AXDND1: variants seen among roughly 807,000 people sequenced by gnomAD.
AXDND1 encodes axonemal dynein light chain domain-containing protein 1.
A neutral mutation model predicts 137.5 loss-of-function variants in AXDND1; 110 were observed. The observed-to-expected ratio is 0.80, with a 90% CI of 0.69 to 0.94. The LOEUF is 0.94. Among genes scored for constraint, AXDND1 ranks in the 40% least tolerant of loss-of-function variants. The probability of loss-of-function intolerance (pLI) is 0.00; values close to 1 mark genes in which losing one functional copy is unlikely to be tolerated. For missense variants in AXDND1, 1,191 were observed against 1,169.8 expected (o/e 1.02, Z -0.26); for synonymous variants, 414 against 399.7 (o/e 1.04, Z -0.43).
chr1:179,384,345 A>AT (rs1244478386), intron 8 of AXDND1, among the ~76,000 whole-genome samples: 1 of 152,184 alleles, frequency 6.6e-6, no homozygotes. Flanking sequence ...TTCAGGATAT[A>AT]TTTCCTACAA....
chr1:179,440,442 T>C (rs1483941609), intron 15 of AXDND1, among the ~76,000 whole-genome samples: 6 of 152,248 alleles, frequency 3.9e-5, no homozygotes, highest in African/African-American at 1.4e-4. Context: ...GCTATGTGTG[T>C]AACATCCATT....
Position 179,446,787 on chromosome 1 carries a change from T to C in AXDND1, c.1798+1583T>C, listed in dbSNP as rs114045119. Among the ~76,000 whole-genome samples the C allele has an allele frequency of 2.7e-3, 407 of 152,148 alleles. 4 individuals are homozygous for C. Among genetic ancestry groups the C allele is most frequent in the African/African-American group, 9.1e-3 (379 of 41,516 alleles). On this transcript the variant is annotated intron_variant, in intron 16 of 25. Coordinates refer to ENST00000367618, the MANE Select transcript of AXDND1 (RefSeq NM_144696.6). ...ATGTGAATTCTAAACACTTTATCTTTTTCTGTGGGTGGCTTTTCCATTTTC... is the reference window on the plus strand; with the variant it reads ...ATGTGAATTCTAAACACTTTATCTTCTTCTGTGGGTGGCTTTTCCATTTTC...
intron 19 of AXDND1, among the ~76,000 whole-genome samples, 195 bp from the exon 20 acceptor site, chr1:179,492,659 GA>G (rs1463057350): frequency 6.6e-6 from 1 of 152,196 alleles, no homozygotes; most frequent in Non-Finnish European, 1.5e-5. Context: ...ATGGAAGGGA[GA>G]AGGAGGACAA....
chr1:179,423,198 C>T (rs1240594541), intron 12 of AXDND1, among the ~76,000 whole-genome samples: 9 of 149,392 alleles, frequency 6.0e-5, no homozygotes, highest in Admixed American at 1.3e-4. Context: ...ATATAGTAAC[C>T]TTTTTTTTTT....
intron 11 of AXDND1, among the ~76,000 whole-genome samples, chr1:179,410,507 C>A (rs966110457): frequency 6.6e-6 from 1 of 152,126 alleles, no homozygotes; most frequent in Non-Finnish European, 1.5e-5. Context: ...GGATTACTGG[C>A]GTGAGCCACT....
intron 11 of AXDND1, among the ~76,000 whole-genome samples, chr1:179,410,161 T>C (rs1014001081): frequency 4.6e-5 from 7 of 152,230 alleles, no homozygotes; most frequent in Non-Finnish European, 1.0e-4. Flanking sequence ...CTAATTCTTA[T>C]TGCAAAGTCC....
At chr1:179,500,126 A>G (rs1311219104) in intron 20 of AXDND1, among the ~76,000 whole-genome samples, 2 of 152,152 alleles carry the variant, frequency 1.3e-5, no homozygotes, top group Non-Finnish European at 1.5e-5. Context: ...ATGGAATACA[A>G]AAGTCCTGAA....
chr1:179,378,474 T>C (rs1036699571), intron 4 of AXDND1, among the ~76,000 whole-genome samples, 163 bp from the exon 5 acceptor site: 2 of 152,200 alleles, frequency 1.3e-5, no homozygotes, highest in Non-Finnish European at 2.9e-5. Flanking sequence ...GGGGAACTCA[T>C]GTTTAATGCC....
chr1:179,377,772 A>G (rs976613104), intron 4 of AXDND1, among the ~76,000 whole-genome samples: 1 of 152,218 alleles, frequency 6.6e-6, no homozygotes, highest in Admixed American at 6.5e-5. Context: ...TAGTTTCAGA[A>G]GAGAGGTATG....
At chr1:179,374,202 C>A (rs990257028) in intron 4 of AXDND1, among the ~76,000 whole-genome samples, 10 of 152,224 alleles carry the variant, frequency 6.6e-5, no homozygotes, top group African/African-American at 2.2e-4. Flanking sequence ...GATATTCATG[C>A]AGCCAACAGA....
intron 6 of AXDND1, among the ~76,000 whole-genome samples, chr1:179,380,405 GTGTGAC>G (rs1195466088): frequency 6.6e-6 from 1 of 152,092 alleles, no homozygotes; most frequent in East Asian, 1.9e-4. Flanking sequence ...TTGTTTGAAT[GTGTGAC>G]TATGCCCTTT....
At chr1:179,456,308 TCCA>T in intron 16 of AXDND1, 1 of 748,408 alleles carries the variant, frequency 1.3e-6, no homozygotes, top group Non-Finnish European at 2.4e-6. Context: ...AGTATTGGCC[TCCA>T]CCACCACAGG....
At position 179,386,064 on chromosome 1, in the gene AXDND1, T is replaced by C. The variant is rs1192075648; in HGVS notation, c.863+705T>C. On this transcript the variant is annotated intron_variant, in intron 9 of 25. Coordinates refer to ENST00000367618, the MANE Select transcript of AXDND1 (RefSeq NM_144696.6). Reference sequence around the variant, plus strand: ...AGGATTTTTTCCTTTTTTTTTTTTTTTTTTTTTGAGACAGTCTCGCTCTGT... The same window carrying C: ...AGGATTTTTTCCTTTTTTTTTTTTTCTTTTTTTGAGACAGTCTCGCTCTGT... Among the ~76,000 whole-genome samples, 3 of 146,846 alleles carry C rather than the reference T, an allele frequency of 2.0e-5. No individual in the cohort carries two copies. The East Asian group carries it at 5.9e-4, about 29-fold the overall frequency.
chr1:179,382,980 A>T (rs188101183), intron 7 of AXDND1, among the ~76,000 whole-genome samples: 2 of 152,222 alleles, frequency 1.3e-5, no homozygotes, highest in East Asian at 3.9e-4. Context: ...ACATATTTAC[A>T]TATATAGCAT....
At chr1:179,539,135 C>G (rs141325820) in intron 25 of AXDND1, among the ~76,000 whole-genome samples, 3,710 of 152,220 alleles carry the variant, frequency 0.024, 161 homozygotes, top group African/African-American at 0.084. Context: ...GGTCTTGACT[C>G]TTTATCCAAT....
intron 13 of AXDND1, among the ~76,000 whole-genome samples, chr1:179,430,117 C>T (rs576502388): frequency 6.6e-6 from 1 of 151,816 alleles, no homozygotes; most frequent in Admixed American, 6.6e-5. Context: ...CCCAAGGTTA[C>T]ACAGCCAGTA....
intron 12 of AXDND1, among the ~76,000 whole-genome samples, chr1:179,416,914 C>T (rs2125245202): frequency 6.6e-6 from 1 of 152,314 alleles, no homozygotes; most frequent in Non-Finnish European, 1.5e-5. Context: ...TTTGGTTTCT[C>T]AGCTCCTTCG....
chr1:179,489,986 C>T (rs544815852), intron 18 of AXDND1, among the ~76,000 whole-genome samples: 3 of 152,162 alleles, frequency 2.0e-5, no homozygotes, highest in African/African-American at 7.2e-5. Context: ...CCTCGTGATC[C>T]ACCTGCCTCG....
At chr1:179,456,494 A>G (rs1661425824) in intron 16 of AXDND1, 2 of 770,120 alleles carry the variant, frequency 2.6e-6, no homozygotes, top group East Asian at 2.4e-5. Flanking sequence ...TGCCACTCCC[A>G]CCATAGCCAC....
Sources: allele counts gnomAD v4.1 joint callset (sites outside exome capture counted in the v4.1 genomes callset), GRCh38; gene constraint gnomAD v4.1.1; transcripts MANE v1.5; gene names NCBI Gene and HGNC (gene_info 2026-07-23, HGNC 2026-07-21).